IQGAP3: variants seen among roughly 807,000 people sequenced by gnomAD.
IQGAP3 encodes the protein ras GTPase-activating-like protein IQGAP3.
A neutral mutation model predicts 208.2 loss-of-function variants in IQGAP3; 165 were observed. That is an observed-to-expected ratio of 0.79 (90% CI 0.70 to 0.90). The LOEUF is 0.90. IQGAP3 is among the 40% of genes least tolerant of loss of function. The pLI is 0.00. For synonymous variants in IQGAP3, 703 were observed against 803.6 expected (o/e 0.87, Z 2.12); for missense variants, 1,811 against 2,043.1 (o/e 0.89, Z 2.19).
intron 26 of IQGAP3, among the ~76,000 whole-genome samples, chr1:156,537,931 CTG>C (rs1024518123): frequency 6.6e-6 from 1 of 150,776 alleles, no homozygotes; most frequent in African/African-American, 2.4e-5. Flanking sequence ...GAGTCTCACT[CTG>C]TTGCCTAGAG....
rs1428387833 is a variant in IQGAP3, at chr1:156,537,218, A to G, written c.3385T>C (p.Phe1129Leu). The change falls in exon 27 of 38, where the codon TTC (phenylalanine) becomes CTC (leucine). Residue 1129 changes from phenylalanine (F) to leucine (L), a missense_variant. Phe to Leu is a conservative substitution (Grantham distance 22, BLOSUM62 0). Transcript: ENST00000361170. ...ACAGATGAGGTGATGGCTAAAAGGA[A>G]CTTATCAGTCATGGCGAGGAGGTTG... The part of the protein sequence containing the change: ...LRNLLAMTDK[F>L]LLAITSSVDQ... 1.1e-5 allele frequency: 17 copies of G among 1,614,042 alleles called. No homozygotes were observed. The highest frequency in any genetic ancestry group is 1.4e-5 in the Non-Finnish European group (17 of 1,179,970).
intron 13 of IQGAP3, among the ~76,000 whole-genome samples, chr1:156,552,310 C>T (rs1675592972): frequency 6.6e-6 from 1 of 152,152 alleles, no homozygotes; most frequent in South Asian, 2.1e-4. Flanking sequence ...GTCTTCAGAC[C>T]TCTTCTCTCT....
chr1:156,570,975 CA>C (rs1676622203), intron 1 of IQGAP3, among the ~76,000 whole-genome samples: 3 of 152,178 alleles, frequency 2.0e-5, no homozygotes, highest in Non-Finnish European at 4.4e-5. Flanking sequence ...GGCAGTCCAA[CA>C]GAGGGAAACA....
At position 156,569,418 on chromosome 1, in the gene IQGAP3, T is replaced by C. The variant is rs1434078005; in HGVS notation, c.83A>G (p.Asn28Ser). The change falls in exon 2 of 38, where the codon AAT (asparagine) becomes AGT (serine). Residue 28 changes from asparagine to serine, a missense_variant. Transcript: ENST00000361170. ...CCGGCACAGGTACTGATAGGCAACA[T>C]TCTGCCGCCTCTGCTCATCCATCTC... is the stretch of plus-strand genomic sequence containing the variant. ...AEEMDEQRRQ[N>S]VAYQYLCRLE... 6.2e-7 allele frequency: 1 copy of C among 1,613,504 alleles called. No homozygotes were observed. The highest frequency in any genetic ancestry group is 8.5e-7 in the Non-Finnish European group (1 of 1,179,764).
chr1:156,542,944 TAAAC>T lies in IQGAP3; in HGVS notation c.2530+1033_2530+1036del, dbSNP rs534015221. 6.5e-3 allele frequency among the ~76,000 whole-genome samples: 956 copies of T among 146,066 alleles called. 9 individuals carry two copies. Among genetic ancestry groups the T allele is most frequent in the African/African-American group, 0.023 (908 of 38,728 alleles). On this transcript the variant is annotated intron_variant, in intron 22 of 37. Coordinates refer to ENST00000361170, the MANE Select transcript of IQGAP3 (RefSeq NM_178229.5). ...TGACAGAGCGAGACTCTGTCCTAAATAAACAAATAAATAAATAATCAATTAAAAA... is the reference window on the plus strand; with the variant it reads ...TGACAGAGCGAGACTCTGTCCTAAATAAATAAATAAATAATCAATTAAAAA...
chr1:156,541,014 C>T (rs74327053), intron 22 of IQGAP3, 98 bp from the exon 23 acceptor site: 28,465 of 978,532 alleles, frequency 0.029, 556 homozygotes, highest in Non-Finnish European at 0.036. Flanking sequence ...CCCCGTTCTG[C>T]TTGGGATCAG....
intron 32 of IQGAP3, among the ~76,000 whole-genome samples, chr1:156,531,463 T>C (rs1674399199): frequency 6.6e-6 from 1 of 151,986 alleles, no homozygotes; most frequent in Non-Finnish European, 1.5e-5. Context: ...CACATGTCCT[T>C]CCCACCCAGC....
chr1:156,530,065 C>T (rs1043877178), intron 34 of IQGAP3, 40 bp downstream of exon 34: 26 of 1,482,512 alleles, frequency 1.8e-5, no homozygotes, highest in African/African-American at 5.6e-5. Context: ...CACACACACA[C>T]GTACACACAG....
intron 32 of IQGAP3, among the ~76,000 whole-genome samples, chr1:156,532,697 A>G (rs902769797): frequency 1.3e-5 from 2 of 152,192 alleles, no homozygotes; most frequent in African/African-American, 2.4e-5. Context: ...GAAAAAAAAG[A>G]AAAAAGCATT....
At chr1:156,543,860 G>C (rs1571329776) in intron 22 of IQGAP3, 121 bp downstream of exon 22, 1 of 830,490 alleles carries the variant, frequency 1.2e-6, no homozygotes. Context: ...CTCCTGCACA[G>C]ACAACTTGTG....
chr1:156,551,070 A>C (rs1233531845), intron 15 of IQGAP3, among the ~76,000 whole-genome samples: 1 of 152,258 alleles, frequency 6.6e-6, no homozygotes, highest in African/African-American at 2.4e-5. Context: ...AAAGCACATA[A>C]AATGATGCTT....
intron 18 of IQGAP3, 37 bp from the exon 19 acceptor site, chr1:156,548,280 G>A (rs745600706): frequency 6.2e-7 from 1 of 1,608,916 alleles, no homozygotes; most frequent in South Asian, 1.1e-5. Context: ...GGTCTTTTGG[G>A]GAGTGGGAGC....
intron 13 of IQGAP3, among the ~76,000 whole-genome samples, chr1:156,553,506 A>G (rs1675665249): frequency 1.3e-5 from 2 of 151,670 alleles, no homozygotes; most frequent in South Asian, 4.1e-4. Context: ...TGTCCCTACT[A>G]TGTCTCTACC....
chr1:156,530,881 C>T (rs568030374), intron 33 of IQGAP3, among the ~76,000 whole-genome samples: 43 of 152,230 alleles, frequency 2.8e-4, no homozygotes, highest in African/African-American at 7.7e-4. Context: ...CATTCCCAGA[C>T]GGTCTCTCAG....
At chr1:156,553,219 G>T (rs562561241) in intron 13 of IQGAP3, among the ~76,000 whole-genome samples, 2 of 151,532 alleles carry the variant, frequency 1.3e-5, no homozygotes, top group Admixed American at 1.3e-4. Flanking sequence ...ACTCCCTCCC[G>T]GCTCAAAACC....
rs796997588 is a variant in IQGAP3 at position 156,548,572 on chromosome 1, G to A, written c.1993+9C>T. On this transcript the variant is annotated intron_variant, in intron 17 of 37. Transcript: ENST00000361170. ...GCAGCGAAGAGGAGGGTCAGGTTGG[G>A]GCCATTACCTGGACGCTGTTTCTTT... is the stretch of plus-strand genomic sequence containing the variant. 1 of 1,598,886 alleles carries A rather than the reference G, an allele frequency of 6.3e-7. No individual in the cohort carries two copies. Among genetic ancestry groups the A allele is most frequent in the African/African-American group, 1.3e-5 (1 of 74,822 alleles).
At position 156,551,755 on chromosome 1, in the gene IQGAP3, C is replaced by T. The variant is rs112144116; in HGVS notation, c.1684G>A (p.Ala562Thr). The stretch of plus-strand genomic sequence containing the variant: ...ACAAGGAGGAGATGGTACCGAGGGG[C>T]GACAGGGAGGCTGACATCATCTAGG... Reference protein sequence around the residue: ...AGLDDVSLPVAPRYHLLLVAA... With the variant: ...AGLDDVSLPVTPRYHLLLVAA... The change falls in exon 15 of 38, where the codon GCC becomes ACC. Residue 562 changes from alanine (A) to threonine (T), a missense_variant. By Grantham distance (58) the Ala-to-Thr change is moderately conservative (BLOSUM62 0). Coordinates refer to ENST00000361170, the MANE Select transcript of IQGAP3 (RefSeq NM_178229.5). 5.1e-3 allele frequency: 8,161 copies of T among 1,613,812 alleles called. 77 individuals are homozygous for T. Among genetic ancestry groups the T allele is most frequent in the African/African-American group, 0.035 (2,592 of 75,012 alleles).
At chr1:156,568,841 T>TA (rs977975946) in intron 2 of IQGAP3, among the ~76,000 whole-genome samples, 12 of 151,962 alleles carry the variant, frequency 7.9e-5, no homozygotes, top group African/African-American at 2.7e-4. Context: ...CACCCATCTC[T>TA]AAAAAACAGA....
rs1452644873 is a variant in IQGAP3 at position 156,534,042 on chromosome 1, G to A, written c.3840C>T (p.Tyr1280=). Residue 1280 remains tyrosine (Y), a synonymous_variant, in exon 30 of 38, where the codon TAC becomes TAT. Transcript: ENST00000361170. ...DMVAVAKPMV[Y]ITVGELVNTH... is the part of the protein sequence containing the mutation. ...TGTTGACCAGCTCCCCCACGGTGATGTACACCATGGGTTTGGCCACAGCCA... is the reference window on the plus strand; with the variant it reads ...TGTTGACCAGCTCCCCCACGGTGATATACACCATGGGTTTGGCCACAGCCA... The A allele has an allele frequency of 1.9e-6, 3 of 1,613,948 alleles. No individual in the cohort carries two copies. Among genetic ancestry groups the A allele is most frequent in the Middle Eastern group, 1.6e-4 (1 of 6,062 alleles).
Sources: allele counts gnomAD v4.1 joint callset (sites outside exome capture counted in the v4.1 genomes callset), GRCh38; gene constraint gnomAD v4.1.1; transcripts MANE v1.5; gene names NCBI Gene and HGNC (gene_info 2026-07-23, HGNC 2026-07-21).